RAMP1: variants seen among roughly 807,000 people sequenced by gnomAD.
RAMP1 encodes receptor activity modifying protein 1.
Under a neutral mutation model 8.2 loss-of-function variants are expected in RAMP1, and 7 were observed. The ratio of observed to expected loss-of-function variants is 0.85; its 90% CI spans 0.49 to 1.60. The LOEUF is 1.60. RAMP1 is among the 40% of genes most tolerant of loss of function. The pLI is 0.00. For missense variants in RAMP1, 192 were observed against 202.4 expected (o/e 0.95, Z 0.31); for synonymous variants, 92 against 84.7 (o/e 1.09, Z -0.47).
At chr2:237,906,717 CT>C (rs71402734) in intron 2 of RAMP1, among the ~76,000 whole-genome samples, 74 of 86,224 alleles carry the variant, frequency 8.6e-4, no homozygotes, top group African/African-American at 1.8e-3. Context: ...ATATCAACCT[CT>C]TTTTTTTTTT....
chr2:237,888,056 T>TC (rs1360524077), intron 2 of RAMP1, among the ~76,000 whole-genome samples: 24 of 152,064 alleles, frequency 1.6e-4, no homozygotes, highest in Admixed American at 2.6e-4. Flanking sequence ...TCTGTGGTTC[T>TC]GGGGGGTTTT....
At chr2:237,911,231 G>A (rs2062709138) in intron 2 of RAMP1, among the ~76,000 whole-genome samples, 1 of 116,564 alleles carries the variant, frequency 8.6e-6, no homozygotes, top group Non-Finnish European at 2.0e-5. Context: ...CAGAGGTTCG[G>A]GCCTTATTTG....
intron 2 of RAMP1, among the ~76,000 whole-genome samples, chr2:237,880,906 C>T (rs1404690626): frequency 6.6e-6 from 1 of 152,200 alleles, no homozygotes; most frequent in African/African-American, 2.4e-5. Context: ...CAAGTTGGCT[C>T]ATAAAGCTAT....
At chr2:237,905,674 G>A (rs1460787320) in intron 2 of RAMP1, among the ~76,000 whole-genome samples, 4 of 152,166 alleles carry the variant, frequency 2.6e-5, no homozygotes, top group African/African-American at 4.8e-5. Context: ...AACTGCCTGC[G>A]GGTTTGGTGG....
chr2:237,893,387 G>C (rs1420385000), intron 2 of RAMP1, among the ~76,000 whole-genome samples: 1 of 152,200 alleles, frequency 6.6e-6, no homozygotes. Context: ...TTGGTGTGCA[G>C]TGCAGTTTCC....
intron 2 of RAMP1, among the ~76,000 whole-genome samples, chr2:237,887,328 C>T (rs1054032471): frequency 7.2e-5 from 11 of 152,216 alleles, no homozygotes; most frequent in African/African-American, 2.7e-4. Context: ...TCTCAGTCCC[C>T]TGTGGGAGGG....
chr2:237,890,990 A>C (rs1287067379), intron 2 of RAMP1, among the ~76,000 whole-genome samples: 1 of 151,908 alleles, frequency 6.6e-6, no homozygotes, highest in Non-Finnish European at 1.5e-5. Context: ...CTTTCTTAAA[A>C]TTGTTTCTTT....
intron 2 of RAMP1, among the ~76,000 whole-genome samples, chr2:237,888,627 T>C (rs2062459279): frequency 2.0e-5 from 3 of 152,230 alleles, no homozygotes; most frequent in African/African-American, 7.2e-5. Flanking sequence ...TTCCTATTTG[T>C]CCTGTGAGTC....
chr2:237,903,693 T>C (rs1313480176), intron 2 of RAMP1, among the ~76,000 whole-genome samples: 1 of 151,436 alleles, frequency 6.6e-6, no homozygotes, highest in East Asian at 1.9e-4. Context: ...CTGGCAAATG[T>C]TTGTTGTTGT....
intron 2 of RAMP1, among the ~76,000 whole-genome samples, chr2:237,902,346 G>A (rs1164085698): frequency 1.3e-5 from 2 of 149,140 alleles, no homozygotes; most frequent in Non-Finnish European, 3.0e-5. Flanking sequence ...GTGGAGGAGG[G>A]GCTGGGAGGA....
At chr2:237,899,672 C>T (rs1005533018) in intron 2 of RAMP1, among the ~76,000 whole-genome samples, 2 of 152,204 alleles carry the variant, frequency 1.3e-5, no homozygotes, top group African/African-American at 2.4e-5. Flanking sequence ...GCATCTGTTC[C>T]GTCCGTGTGC....
intron 2 of RAMP1, among the ~76,000 whole-genome samples, chr2:237,893,905 A>G (rs1012436945): frequency 5.3e-5 from 8 of 151,454 alleles, no homozygotes; most frequent in African/African-American, 1.9e-4. Context: ...GTGCCACTGC[A>G]CTCCAGCCTG....
intron 1 of RAMP1, among the ~76,000 whole-genome samples, chr2:237,867,960 G>A (rs182041716): frequency 3.9e-4 from 60 of 152,018 alleles, no homozygotes; most frequent in Non-Finnish European, 7.6e-4. Context: ...CAAAACCACC[G>A]GGGCCAGGCT....
intron 1 of RAMP1, among the ~76,000 whole-genome samples, chr2:237,864,192 C>G (rs1002551199): frequency 2.6e-5 from 4 of 152,174 alleles, no homozygotes; most frequent in African/African-American, 9.7e-5. Flanking sequence ...TGGGGTACAG[C>G]TTGCCCAGGA....
rs1559941190 is a variant in RAMP1, at chr2:237,878,497, C to T, written c.191+1135C>T. ...GGCGTGAGCACAGGGAGAAAGCCCA[C>T]GGCTGGGAGGCCCTGAGGCTGGGTG... is the stretch of plus-strand genomic sequence containing the variant. On this transcript the variant is annotated intron_variant, in intron 2 of 2. Transcript: ENST00000254661. The surrounding 1 kb of genome is among the most constrained non-coding windows in gnomAD (Gnocchi z 5.7). Among the ~76,000 whole-genome samples the T allele has an allele frequency of 6.6e-6, 1 of 152,230 alleles. No individual in the cohort carries two copies. Among genetic ancestry groups the T allele is most frequent in the Non-Finnish European group, 1.5e-5 (1 of 68,040 alleles).
chr2:237,890,167 C>T (rs575835936), intron 2 of RAMP1, among the ~76,000 whole-genome samples: 3 of 152,146 alleles, frequency 2.0e-5, no homozygotes, highest in South Asian at 2.1e-4. Flanking sequence ...ATGGGATAGA[C>T]ATGCTAGCCC....
intron 1 of RAMP1, among the ~76,000 whole-genome samples, chr2:237,863,799 G>A (rs934680728): frequency 2.6e-5 from 4 of 151,816 alleles, no homozygotes; most frequent in East Asian, 1.9e-4. Flanking sequence ...CCCGTGCTCC[G>A]AGAGTGCTTC....
chr2:237,902,203 C>T (rs1163817670), intron 2 of RAMP1, among the ~76,000 whole-genome samples: 4 of 151,790 alleles, frequency 2.6e-5, no homozygotes, highest in Non-Finnish European at 5.9e-5. Context: ...TGAGGATGCC[C>T]CACTGCCACC....
Position 237,868,589 on chromosome 2 carries a change from AC to A in RAMP1, c.53-8634del, listed in dbSNP as rs764861430. Among the ~76,000 whole-genome samples, 402 of 112,550 alleles carry A rather than the reference AC, an allele frequency of 3.6e-3. 3 individuals carry two copies. The highest frequency in any genetic ancestry group is 0.011 in the African/African-American group (189 of 17,960). The allele number at this position is 112,550 out of a possible 152,430, so 73.8% of individuals were successfully genotyped here. A position where few individuals can be genotyped will look rare whatever the true frequency, so the allele number is the denominator to read the frequency against. ...TCCCTCCCCCCACCAAAAAAAAAAA[AC>A]AAAAAAAAAAAAACAGTTCCTGAGT... On this transcript the variant is annotated intron_variant, in intron 1 of 2. Transcript: ENST00000254661.
Sources: allele counts gnomAD v4.1 joint callset (sites outside exome capture counted in the v4.1 genomes callset), GRCh38; gene constraint gnomAD v4.1.1; non-coding constraint Gnocchi (gnomAD v3.1); transcripts MANE v1.5; gene names NCBI Gene and HGNC (gene_info 2026-07-23, HGNC 2026-07-21).